The following ACP3 variants were observed in gnomAD, a reference collection of about 807,000 sequenced individuals.
ACP3 encodes the protein prostatic acid phosphatase.
ACP3 carries 38 observed loss-of-function variants against 45.6 expected under a neutral mutation model. The observed-to-expected ratio is 0.83, with a 90% CI of 0.64 to 1.09. The LOEUF is 1.09. Among genes scored for constraint, ACP3 ranks in the 50% least tolerant of loss-of-function variants. The pLI, the probability that ACP3 is intolerant of heterozygous loss-of-function variation, is 0.00. For synonymous variants in ACP3, 162 were observed against 164.7 expected, an observed-to-expected ratio of 0.98 and a Z score of 0.13; for missense variants, 466 against 463.2, an observed-to-expected ratio of 1.01 and a Z score of -0.05.
At chr3:132,368,011 A>G in exon 11 of ACP3, 2 of 551,840 alleles carry the variant, frequency 3.6e-6, no homozygotes, top group Non-Finnish European at 6.5e-6. Flanking sequence ...CAGGCTACCT[A>G]GGTCTTCTCA....
intron 7 of ACP3, among the ~76,000 whole-genome samples, chr3:132,347,832 G>GACACACACACACACACACACAC (rs1267257773): frequency 3.0e-5 from 2 of 66,550 alleles, no homozygotes; most frequent in South Asian, 5.9e-4. Flanking sequence ...TGTTCAGTAA[G>GACACACACACACACACACACAC]ACACACACAC....
At chr3:132,332,625 A>G in intron 4 of ACP3, 5 of 314,844 alleles carry the variant, frequency 1.6e-5, no homozygotes, top group South Asian at 4.9e-5. Flanking sequence ...AGAGAGAGAG[A>G]GAGGGAGAGG....
intron 4 of ACP3, among the ~76,000 whole-genome samples, chr3:132,335,645 G>A (rs1287810713): frequency 1.3e-5 from 2 of 152,170 alleles, no homozygotes; most frequent in Non-Finnish European, 2.9e-5. Flanking sequence ...TAATATGATA[G>A]AGACTGGCCC....
intron 5 of ACP3, 151 bp downstream of exon 5, chr3:132,337,705 T>G (rs1442539344): frequency 3.4e-5 from 18 of 522,530 alleles, no homozygotes; most frequent in Non-Finnish European, 2.1e-5. Context: ...TTAGAATATT[T>G]AATGAGGGAG....
intron 1 of ACP3, among the ~76,000 whole-genome samples, chr3:132,327,929 A>G (rs1355895390): frequency 6.6e-6 from 1 of 152,168 alleles, no homozygotes; most frequent in Non-Finnish European, 1.5e-5. Context: ...ACCGATCTCC[A>G]TTATGTGTCA....
rs370821762 is a variant in ACP3, at chr3:132,356,806, G to A, written c.1089G>A (p.Val363=). ...LERFAELVGP[V]IPQDWSTECM... is the part of the protein sequence containing the mutation. ...GGTTTGCTGAGCTGGTTGGCCCTGT[G>A]ATCCCTCAAGACTGGTCCACGGAGT... is the stretch of plus-strand genomic sequence containing the variant. Residue 363 remains valine (V), a synonymous_variant, in exon 10 of 10, where the codon GTG becomes GTA. Transcript: ENST00000336375. 3.5e-5 allele frequency: 56 copies of A among 1,614,160 alleles called. No homozygotes were observed. The Admixed American group carries it at 5.7e-4, about 16-fold the overall frequency.
chr3:132,343,022 T>C (rs1383372653), intron 6 of ACP3, among the ~76,000 whole-genome samples: 4 of 152,172 alleles, frequency 2.6e-5, no homozygotes, highest in Non-Finnish European at 5.9e-5. Context: ...GAGGGGAAAA[T>C]TACCTGATTT....
downstream of ACP3, among the ~76,000 whole-genome samples, chr3:132,362,528 A>G (rs1038951748): frequency 9.9e-5 from 15 of 152,204 alleles, no homozygotes; most frequent in Admixed American, 6.5e-5. Context: ...GACCTTATGG[A>G]GAGGAGGGGT....
chr3:132,338,270 G>A (rs553312634), intron 5 of ACP3, among the ~76,000 whole-genome samples: 11 of 148,774 alleles, frequency 7.4e-5, no homozygotes, highest in Non-Finnish European at 1.2e-4. Context: ...TGGGCACCTT[G>A]GTTTTGTTTT....
At chr3:132,343,551 A>C (rs1425381843) in intron 6 of ACP3, among the ~76,000 whole-genome samples, 2 of 152,068 alleles carry the variant, frequency 1.3e-5, no homozygotes, top group Non-Finnish European at 2.9e-5. Context: ...TCCTTACTAC[A>C]GTTTGATCTG....
intron 7 of ACP3, among the ~76,000 whole-genome samples, chr3:132,348,334 G>A (rs771410586): frequency 6.6e-6 from 1 of 152,130 alleles, no homozygotes; most frequent in African/African-American, 2.4e-5. Context: ...CACAGGACAT[G>A]CTAGATTTAA....
downstream of ACP3, among the ~76,000 whole-genome samples, chr3:132,361,568 C>T (rs764966036): frequency 2.0e-5 from 3 of 152,182 alleles, no homozygotes; most frequent in African/African-American, 4.8e-5. Flanking sequence ...CCATTTCAAA[C>T]GATGAATGTA....
Position 132,357,683 on chromosome 3 carries a change from G to A in ACP3, c.*805G>A, listed in dbSNP as rs572015722. 4.1e-6 allele frequency: 4 copies of A among 985,356 alleles called. No individual in the cohort carries two copies. The highest frequency in any genetic ancestry group is 9.4e-5 in the South Asian group (2 of 21,292). 61.0% of individuals were successfully genotyped at this position (985,356 alleles called of 1,614,324 possible). A position where few individuals can be genotyped will look rare whatever the true frequency, so the allele number is the denominator to read the frequency against. On this transcript the variant is annotated 3_prime_UTR_variant, in exon 10 of 10. Coordinates refer to ENST00000336375, the MANE Select transcript of ACP3 (RefSeq NM_001099.5). ...TTTGGGCACAACACATCAGGAAAGA[G>A]AGCACCACGTGATGGAGTTTCTCTA...
At chr3:132,352,894 A>G in intron 9 of ACP3, 71 bp downstream of exon 9, 1 of 1,130,990 alleles carries the variant, frequency 8.8e-7, no homozygotes, top group Non-Finnish European at 1.3e-6. Context: ...TTTTGGGTTA[A>G]GGGTTGTGTG....
rs1348344618 is a variant in ACP3, at chr3:132,337,061, GGGGTGTGT to G, written c.457-393_457-386del. ...TCCTTTCTCCATACATACATGCGTT[GGGGTGTGT>G]GTGTGTGTGTGTGTGTGTGTGTGTG... On this transcript the variant is annotated intron_variant, in intron 4 of 9. Coordinates refer to ENST00000336375, the MANE Select transcript of ACP3 (RefSeq NM_001099.5). Among the ~76,000 whole-genome samples the G allele has an allele frequency of 2.6e-3, 354 of 137,536 alleles. 2 individuals carry two copies. The highest frequency in any genetic ancestry group is 9.9e-3 in the African/African-American group (342 of 34,716). The allele number at this position is 137,536 out of a possible 152,430, so 90.2% of individuals were successfully genotyped here. A position where few individuals can be genotyped will look rare whatever the true frequency, so the allele number is the denominator to read the frequency against.
chr3:132,358,235 A>G lies in ACP3; in HGVS notation c.*1357A>G, dbSNP rs1937961317. ...AGTGAGACACTGTCTCTACCAAAAAAAGGAAGGAAGGGACACATATCAAAC... is the reference window on the plus strand; with the variant it reads ...AGTGAGACACTGTCTCTACCAAAAAGAGGAAGGAAGGGACACATATCAAAC... On this transcript the variant is annotated 3_prime_UTR_variant, in exon 10 of 10. Transcript: ENST00000336375. The G allele has an allele frequency of 9.0e-7, 1 of 1,115,094 alleles. No individual in the cohort carries two copies. The highest frequency in any genetic ancestry group is 4.3e-5 in the Admixed American group (1 of 23,362). The allele number at this position is 1,115,094 out of a possible 1,614,324, so 69.1% of individuals were successfully genotyped here.
intron 7 of ACP3, 100 bp from the exon 8 acceptor site, chr3:132,349,820 T>C (rs1270978246): frequency 1.2e-5 from 9 of 757,502 alleles, no homozygotes; most frequent in Non-Finnish European, 1.6e-5. Flanking sequence ...TCTTAAGTCA[T>C]GGCAGGGAGA....
At chr3:132,348,050 A>C (rs1456217834) in intron 7 of ACP3, among the ~76,000 whole-genome samples, 1 of 152,110 alleles carries the variant, frequency 6.6e-6, no homozygotes, top group Non-Finnish European at 1.5e-5. Context: ...TCATTTATGC[A>C]TTGTCTATTG....
chr3:132,367,565 A>G, intron 10 of ACP3: 2 of 659,546 alleles, frequency 3.0e-6, no homozygotes, highest in East Asian at 2.7e-5. Context: ...TTCTTAGCAC[A>G]CACATAATGC....
Sources: gnomAD v4.1 joint callset for allele counts (sites outside exome capture counted in the v4.1 genomes callset) on GRCh38, gnomAD v4.1.1 for gene constraint, MANE v1.5 for transcripts, NCBI Gene and HGNC (gene_info 2026-07-23, HGNC 2026-07-21) for gene names.